Variants in MARCHF1 observed in about 807,000 individuals in gnomAD.
MARCHF1 encodes membrane associated ring-CH-type finger 1.
MARCHF1 carries 40 observed loss-of-function variants against 54.2 expected under a neutral mutation model. The observed-to-expected ratio is 0.74, with a 90% CI of 0.57 to 0.96. The LOEUF is 0.96. Ranked by LOEUF, MARCHF1 falls within the 40% of genes least tolerant of loss-of-function variation. MARCHF1 has a pLI of 0.00. For synonymous variants in MARCHF1, 236 were observed against 236.3 expected, an observed-to-expected ratio of 1.00 and a Z score of 0.01; for missense variants, 586 against 656.5, an observed-to-expected ratio of 0.89 and a Z score of 1.17.
At chr4:164,051,742 C>T (rs921367900) in intron 2 of MARCHF1, among the ~76,000 whole-genome samples, 1 of 152,124 alleles carries the variant, frequency 6.6e-6, no homozygotes, top group Non-Finnish European at 1.5e-5. Context: ...ACTTAATCAC[C>T]ATGTTATTCT....
intron 2 of MARCHF1, among the ~76,000 whole-genome samples, chr4:164,062,035 AC>A (rs1754628113): frequency 1.3e-5 from 2 of 151,914 alleles, no homozygotes; most frequent in South Asian, 4.2e-4. Flanking sequence ...TTCTGATCAA[AC>A]CTCTTAAGCC....
rs554363439 is a variant in MARCHF1, at chr4:163,685,510, A to G, written c.162+15303T>C. 2.6e-5 allele frequency among the ~76,000 whole-genome samples: 4 copies of G among 152,232 alleles called. No homozygotes were observed. The South Asian group carries it at 8.3e-4, about 32-fold the overall frequency. On this transcript the variant is annotated intron_variant, in intron 5 of 9. Transcript: ENST00000514618. Reference sequence around the variant, plus strand: ...ACTCTGTCACCCAGGCTTGGAGTGCAGTAGCGTGAACTCAGCTCACTGCAA... The same window carrying G: ...ACTCTGTCACCCAGGCTTGGAGTGCGGTAGCGTGAACTCAGCTCACTGCAA...
At chr4:164,153,493 C>A (rs1292696996) in intron 1 of MARCHF1, among the ~76,000 whole-genome samples, 2 of 151,848 alleles carry the variant, frequency 1.3e-5, no homozygotes, top group Non-Finnish European at 2.9e-5. Flanking sequence ...CACAATAGCA[C>A]CTGTATAAGA....
At chr4:163,930,779 AT>A (rs1192534804) in intron 3 of MARCHF1, among the ~76,000 whole-genome samples, 29 of 152,220 alleles carry the variant, frequency 1.9e-4, no homozygotes, top group Admixed American at 1.8e-3. Context: ...AATTTTGATG[AT>A]TTTTTAAGAT....
intron 3 of MARCHF1, among the ~76,000 whole-genome samples, chr4:163,936,377 C>CA (rs1751795261): frequency 6.6e-6 from 1 of 152,138 alleles, no homozygotes; most frequent in African/African-American, 2.4e-5. Context: ...GTAAAAACAA[C>CA]AAAATTGCAT....
chr4:163,711,809 C>A (rs1745115656), intron 4 of MARCHF1, among the ~76,000 whole-genome samples: 1 of 152,164 alleles, frequency 6.6e-6, no homozygotes, highest in African/African-American at 2.4e-5. Context: ...TCTGCTCATA[C>A]TCATTGCAAA....
chr4:163,937,316 CAGAGT>C (rs575278690), intron 3 of MARCHF1, among the ~76,000 whole-genome samples: 1,521 of 151,964 alleles, frequency 0.01, 24 homozygotes, highest in African/African-American at 0.032. Context: ...TAAAAATATG[CAGAGT>C]AGAGTTTTTA....
chr4:163,900,535 G>A (rs1410694202), intron 3 of MARCHF1, among the ~76,000 whole-genome samples: 1 of 152,076 alleles, frequency 6.6e-6, no homozygotes, highest in Non-Finnish European at 1.5e-5. Context: ...GGCAAAGAAA[G>A]TGTTAAAGAT....
chr4:163,648,655 G>GA (rs568907090), intron 5 of MARCHF1, among the ~76,000 whole-genome samples: 3,420 of 129,516 alleles, frequency 0.026, 103 homozygotes, highest in Admixed American at 0.068. Flanking sequence ...AATGTTGTTG[G>GA]AAAAAAAAAA....
intron 5 of MARCHF1, among the ~76,000 whole-genome samples, chr4:163,646,677 G>A (rs1742771272): frequency 6.6e-6 from 1 of 152,004 alleles, no homozygotes; most frequent in Admixed American, 6.6e-5. Context: ...TTATGTGATT[G>A]AAATTAAGTT....
At chr4:164,210,663 G>T (rs963068135) in intron 1 of MARCHF1, among the ~76,000 whole-genome samples, 1 of 152,040 alleles carries the variant, frequency 6.6e-6, no homozygotes, top group Non-Finnish European at 1.5e-5. Flanking sequence ...TTCAGTTAAG[G>T]ACCTCAATAT....
At chr4:163,706,624 C>G (rs1744956669) in intron 4 of MARCHF1, among the ~76,000 whole-genome samples, 1 of 151,952 alleles carries the variant, frequency 6.6e-6, no homozygotes, top group East Asian at 1.9e-4. Flanking sequence ...AAGTACCATA[C>G]TTTGATGGGA....
At chr4:164,304,887 C>T (rs537632403) in intron 1 of MARCHF1, among the ~76,000 whole-genome samples, 8 of 152,012 alleles carry the variant, frequency 5.3e-5, no homozygotes, top group East Asian at 3.9e-4. Flanking sequence ...AAGAAGGAAG[C>T]GAAGTATAGT....
rs181114969 is a variant in MARCHF1, at chr4:164,210,494, G to A, written c.-322-98832C>T. Among the ~76,000 whole-genome samples, 248 of 152,240 alleles carry A rather than the reference G, an allele frequency of 1.6e-3. 1 individual carries two copies. Among genetic ancestry groups the A allele is most frequent in the African/African-American group, 5.8e-3 (241 of 41,564 alleles). Reference sequence around the variant, plus strand: ...CATATTGAATTTGAGATGCCTGTATGTTACCCAGTTGGGTAAGTCAAGAAA... The same window carrying A: ...CATATTGAATTTGAGATGCCTGTATATTACCCAGTTGGGTAAGTCAAGAAA... On this transcript the variant is annotated intron_variant, in intron 1 of 9. Coordinates refer to ENST00000514618, the MANE Select transcript of MARCHF1 (RefSeq NM_001394959.1).
chr4:164,249,237 G>C (rs892471298), intron 1 of MARCHF1, among the ~76,000 whole-genome samples: 1 of 152,092 alleles, frequency 6.6e-6, no homozygotes, highest in Non-Finnish European at 1.5e-5. Context: ...TACAAGTGAA[G>C]CGTGAAGTTG....
At chr4:163,700,725 T>A in intron 5 of MARCHF1, 88 bp downstream of exon 5, 1 of 983,170 alleles carries the variant, frequency 1.0e-6, no homozygotes, top group East Asian at 2.6e-5. Context: ...TGCTCACAGA[T>A]AACAATTATA....
At chr4:163,915,588 C>A (rs1383239172) in intron 3 of MARCHF1, among the ~76,000 whole-genome samples, 1 of 152,144 alleles carries the variant, frequency 6.6e-6, no homozygotes, top group South Asian at 2.1e-4. Context: ...AATCCCACTA[C>A]TTGTACTAAA....
At chr4:163,616,065 A>C (rs1263464519) in intron 5 of MARCHF1, among the ~76,000 whole-genome samples, 1 of 152,184 alleles carries the variant, frequency 6.6e-6, no homozygotes, top group Non-Finnish European at 1.5e-5. Flanking sequence ...ATAAAAATCA[A>C]CTCAAAATGA....
intron 2 of MARCHF1, among the ~76,000 whole-genome samples, chr4:164,096,479 C>G (rs1755415043): frequency 6.6e-6 from 1 of 151,924 alleles, no homozygotes; most frequent in Non-Finnish European, 1.5e-5. Context: ...TGTTCATTAT[C>G]TGGGTGATGG....
Sources: allele counts gnomAD v4.1 joint callset (sites outside exome capture counted in the v4.1 genomes callset), GRCh38; gene constraint gnomAD v4.1.1; transcripts MANE v1.5; gene names NCBI Gene and HGNC (gene_info 2026-07-23, HGNC 2026-07-21).